The following MYOM3 variants were observed in gnomAD, a reference collection of about 807,000 sequenced individuals.
The protein encoded by MYOM3 is myomesin-3.
Under a neutral mutation model 191.7 loss-of-function variants are expected in MYOM3, and 155 were observed. That is an observed-to-expected ratio of 0.81 (90% confidence interval 0.71 to 0.92). The LOEUF is 0.92. Ranked by LOEUF, MYOM3 falls within the 40% of genes least tolerant of loss-of-function variation. The probability of loss-of-function intolerance (pLI) is 0.00; values close to 1 mark genes in which losing one functional copy is unlikely to be tolerated. For synonymous variants in MYOM3, 757 were observed against 762.9 expected (o/e 0.99, Z 0.13); for missense variants, 1,889 against 1,890.6 (o/e 1.00, Z 0.02).
intron 29 of MYOM3, among the ~76,000 whole-genome samples, chr1:24,064,714 G>A (rs1213460436): frequency 1.3e-5 from 2 of 152,220 alleles, no homozygotes; most frequent in East Asian, 1.9e-4. Flanking sequence ...GATCAGAAGT[G>A]ACCTCTCATT....
At position 24,063,320 on chromosome 1, in the gene MYOM3, G is replaced by T; in HGVS notation, c.3662-86C>A. On this transcript the variant is annotated intron_variant, in intron 31 of 36. Transcript: ENST00000374434. This position sits in a 1 kb window ranked among gnomAD's most constrained non-coding sequence, Gnocchi z 4.5. Reference sequence around the variant, plus strand: ...GGCCGGCTTGTCTGCCTCTGCCCTGGGGGGCAGGTGCTGTGGGGGAAATGC... The same window carrying T: ...GGCCGGCTTGTCTGCCTCTGCCCTGTGGGGCAGGTGCTGTGGGGGAAATGC... 1 of 1,359,330 alleles carries T rather than the reference G, an allele frequency of 7.4e-7. No individual in the cohort carries two copies. The highest frequency in any genetic ancestry group is 1.1e-6 in the Non-Finnish European group (1 of 951,070). The allele number at this position is 1,359,330 out of a possible 1,614,324, so 84.2% of individuals were successfully genotyped here.
intron 23 of MYOM3, among the ~76,000 whole-genome samples, chr1:24,073,572 G>C (rs896196246): frequency 6.6e-6 from 1 of 152,034 alleles, no homozygotes; most frequent in South Asian, 2.1e-4. Flanking sequence ...CTTACTAAAA[G>C]TGGGAAAACA....
At position 24,068,621 on chromosome 1, in the gene MYOM3, C is replaced by T. The variant is rs977456940; in HGVS notation, c.3151-254G>A. On this transcript the variant is annotated intron_variant, in intron 25 of 36. Coordinates refer to ENST00000374434, the MANE Select transcript of MYOM3 (RefSeq NM_152372.4). ...TTGCCTAGGCTGGGGTGCAGTGGAG[C>T]GATCAGTTACAATTTAATAATAAGT... 3.9e-5 allele frequency among the ~76,000 whole-genome samples: 6 copies of T among 152,158 alleles called. No individual in the cohort carries two copies. In the South Asian group the frequency reaches 8.3e-4, roughly 21 times the overall value.
In MYOM3 at chr1:24,067,407, C is replaced by T. The variant is rs1469349702; in HGVS notation, c.3356-319G>A. ...TTCTTTTTCCTTCCTTCCTTCCTTC[C>T]TTCCTTCCTTCCTTCCTTCCTTCCT... On this transcript the variant is annotated intron_variant, in intron 27 of 36. Coordinates refer to ENST00000374434, the MANE Select transcript of MYOM3 (RefSeq NM_152372.4). Among the ~76,000 whole-genome samples, 49 of 71,766 alleles carry T rather than the reference C, an allele frequency of 6.8e-4. 1 individual carries two copies. Among genetic ancestry groups the T allele is most frequent in the East Asian group, 3.1e-3 (6 of 1,906 alleles). The allele number at this position is 71,766 out of a possible 152,430, so 47.1% of individuals were successfully genotyped here. A position where few individuals can be genotyped will look rare whatever the true frequency, so the allele number is the denominator to read the frequency against.
At chr1:24,067,395 C>CTTTCTTT (rs780474320) in intron 27 of MYOM3, among the ~76,000 whole-genome samples, 2,363 of 28,882 alleles carry the variant, frequency 0.082, 72 homozygotes, top group Admixed American at 0.13. Flanking sequence ...TTTTTCCTTC[C>CTTTCTTT]TTCCTTCCTT....
Position 24,082,188 on chromosome 1 carries a change from G to C in MYOM3, c.2093C>G (p.Ala698Gly), listed in dbSNP as rs1643678914. The C allele has an allele frequency of 1.2e-6, 2 of 1,604,252 alleles. No individual in the cohort carries two copies. Among genetic ancestry groups the C allele is most frequent in the Non-Finnish European group, 1.7e-6 (2 of 1,175,088 alleles). ...AAAGCCATATGGGGCAGACGGGGTA[G>C]CTACAGGGAGGTAAGGAGGTGAGGA... Reference protein sequence around the residue: ...TEPIRVKQALATPSAPYGFAL... With the variant: ...TEPIRVKQALGTPSAPYGFAL... The change falls in exon 18 of 37, where the codon GCT becomes GGT. Residue 698 changes from alanine to glycine, a missense_variant and splice_region_variant. Physicochemically the swap from Ala to Gly is moderately conservative, Grantham distance 60. Transcript: ENST00000374434.
intron 25 of MYOM3, among the ~76,000 whole-genome samples, chr1:24,069,537 C>CT (rs552799727): frequency 0.017 from 2,625 of 151,776 alleles, 71 homozygotes; most frequent in African/African-American, 0.06. Flanking sequence ...TTTCTTTCTT[C>CT]TTTTTTTTGT....
At position 24,082,190 on chromosome 1, in the gene MYOM3, T is replaced by C; in HGVS notation, c.2093-2A>G. The stretch of plus-strand genomic sequence containing the variant: ...AGCCATATGGGGCAGACGGGGTAGC[T>C]ACAGGGAGGTAAGGAGGTGAGGACA... On this transcript the variant is annotated splice_acceptor_variant, in intron 17 of 36. Transcript: ENST00000374434. LOFTEE classifies it high-confidence loss of function. The C allele has an allele frequency of 4.4e-6, 7 of 1,602,098 alleles. No homozygotes were observed. The highest frequency in any genetic ancestry group is 4.3e-6 in the Non-Finnish European group (5 of 1,174,020).
At chr1:24,101,721 C>T (rs1643936637) in intron 5 of MYOM3, among the ~76,000 whole-genome samples, 1 of 152,176 alleles carries the variant, frequency 6.6e-6, no homozygotes. Flanking sequence ...CACTGCACTA[C>T]AGCCTGGGTG....
intron 1 of MYOM3, among the ~76,000 whole-genome samples, chr1:24,110,726 C>A (rs1230591128): frequency 6.6e-6 from 1 of 152,186 alleles, no homozygotes; most frequent in Non-Finnish European, 1.5e-5. Flanking sequence ...GGGACAGTCA[C>A]CCTCTTTGGC....
Position 24,080,100 on chromosome 1 carries a change from T to G in MYOM3, c.2502A>C (p.Thr834=). Residue 834 remains threonine, a synonymous_variant, in exon 20 of 37, where the codon ACA becomes ACC. Transcript: ENST00000374434. ...CCTCCTGGAAACTGACGTGATAGCC[T>G]GTGACAGGCCCAGCCCCCATATACA... ...PPLYMGAGPV[T]GYHVSFQEEG... 3 of 1,614,162 alleles carry G rather than the reference T, an allele frequency of 1.9e-6. No individual in the cohort carries two copies. The highest frequency in any genetic ancestry group is 2.5e-6 in the Non-Finnish European group (3 of 1,180,008).
In MYOM3 at chr1:24,097,903, T is replaced by C. The variant is rs772625520; in HGVS notation, c.745+20A>G. 6 of 1,559,878 alleles carry C rather than the reference T, an allele frequency of 3.8e-6. No individual in the cohort carries two copies. The highest frequency in any genetic ancestry group is 4.4e-6 in the Non-Finnish European group (5 of 1,130,566). ...GGTTTGCTGTGGCCCGGAGTGCCTG[T>C]TGGGGTTGGGAGGACTTACTGCGGA... On this transcript the variant is annotated intron_variant, in intron 7 of 36. Transcript: ENST00000374434.
chr1:24,064,573 G>T (rs897344885), intron 29 of MYOM3, among the ~76,000 whole-genome samples: 2 of 152,216 alleles, frequency 1.3e-5, no homozygotes, highest in African/African-American at 2.4e-5. Flanking sequence ...CAGTTCCCCA[G>T]GAGGAAGCGT....
At chr1:24,065,752 C>T (rs1172690423) in intron 29 of MYOM3, 139 bp downstream of exon 29, 2 of 724,332 alleles carry the variant, frequency 2.8e-6, no homozygotes, top group Admixed American at 2.0e-5. Flanking sequence ...TTTTTTGGTG[C>T]CTCTTAAATT....
chr1:24,063,040 G>C lies in MYOM3; in HGVS notation c.3770+86C>G, dbSNP rs1643390821. On this transcript the variant is annotated intron_variant, in intron 32 of 36. Coordinates refer to ENST00000374434, the MANE Select transcript of MYOM3 (RefSeq NM_152372.4). This position sits in a 1 kb window ranked among gnomAD's most constrained non-coding sequence, Gnocchi z 4.5. ...ACCAGAAACTCTGCTTGGAGGACCA[G>C]GCAGGGAGAAGGGAGGGAGGCCCCC... 8 of 846,142 alleles carry C rather than the reference G, an allele frequency of 9.5e-6. No homozygotes were observed. In the Admixed American group the frequency reaches 1.1e-4, roughly 12 times the overall value. 52.4% of individuals were successfully genotyped at this position (846,142 alleles called of 1,614,324 possible).
intron 13 of MYOM3, 42 bp downstream of exon 13, chr1:24,090,023 G>A: frequency 6.3e-7 from 1 of 1,593,618 alleles, no homozygotes; most frequent in East Asian, 2.2e-5. Context: ...AGAGTTTTGA[G>A]AACTATACAG....
Position 24,068,318 on chromosome 1 carries a change from ATGATCACTTCCACCAGGCC to A in MYOM3, c.3181_3199del (p.Gly1061SerfsTer27). 1 of 1,614,034 alleles carries A rather than the reference ATGATCACTTCCACCAGGCC, an allele frequency of 6.2e-7. No individual in the cohort carries two copies. The highest frequency in any genetic ancestry group is 8.5e-7 in the Non-Finnish European group (1 of 1,179,942). The stretch of plus-strand genomic sequence containing the variant: ...TTTGTCCTCCTCAGACAAGTTCTGG[ATGATCACTTCCACCAGGCC>A]CTTCTCTCGGTCAAAATTGATTTTG... On this transcript the variant is annotated frameshift_variant, in exon 26 of 37. Coordinates refer to ENST00000374434, the MANE Select transcript of MYOM3 (RefSeq NM_152372.4). LOFTEE classifies it high-confidence loss of function.
chr1:24,063,611 G>C lies in MYOM3; in HGVS notation c.3623-81C>G. 1.3e-6 allele frequency: 2 copies of C among 1,534,884 alleles called. No individual in the cohort carries two copies. Among genetic ancestry groups the C allele is most frequent in the Non-Finnish European group, 9.0e-7 (1 of 1,111,994 alleles). On this transcript the variant is annotated intron_variant, in intron 30 of 36. Transcript: ENST00000374434. The surrounding 1 kb of genome is among the most constrained non-coding windows in gnomAD (Gnocchi z 4.5). Reference sequence around the variant, plus strand: ...TAGGAGTGGGGACATCCTAGAAAAAGGCTGGTGGAGCCCGTGAGCTGCTCT... The same window carrying C: ...TAGGAGTGGGGACATCCTAGAAAAACGCTGGTGGAGCCCGTGAGCTGCTCT...
chr1:24,106,253 G>A (rs1643982630), intron 4 of MYOM3, among the ~76,000 whole-genome samples, 176 bp from the exon 5 acceptor site: 1 of 152,234 alleles, frequency 6.6e-6, no homozygotes, highest in Non-Finnish European at 1.5e-5. Flanking sequence ...GGGCTTTGGA[G>A]CCAGCTGGCC....
Sources: gnomAD v4.1 joint callset for allele counts (sites outside exome capture counted in the v4.1 genomes callset) on GRCh38, gnomAD v4.1.1 for gene constraint, Gnocchi (gnomAD v3.1) non-coding constraint, MANE v1.5 for transcripts, NCBI Gene and HGNC (gene_info 2026-07-23, HGNC 2026-07-21) for gene names.